The following PLCG2 variants were observed in gnomAD, a reference collection of about 807,000 sequenced individuals.
The protein encoded by PLCG2 is 1-phosphatidylinositol 4,5-bisphosphate phosphodiesterase gamma-2.
Under a neutral mutation model 175.6 loss-of-function variants are expected in PLCG2, and 69 were observed. That is an observed-to-expected ratio of 0.39 (90% CI 0.32 to 0.48). The LOEUF (loss-of-function observed/expected upper bound fraction) is 0.48, where lower values mean the gene tolerates loss of function less well. PLCG2 is among the 20% of genes least tolerant of loss of function. The pLI is 0.91. For missense variants in PLCG2, 1,798 were observed against 1,650.9 expected, an observed-to-expected ratio of 1.09 and a Z score of -1.54; for synonymous variants, 827 against 624.0, an observed-to-expected ratio of 1.33 and a Z score of -4.85.
At chr16:81,817,076 T>C (rs950292170) in intron 2 of PLCG2, among the ~76,000 whole-genome samples, 156 of 152,160 alleles carry the variant, frequency 1.0e-3, no homozygotes, top group African/African-American at 3.6e-3. Flanking sequence ...CTTGTGAGTT[T>C]TGAAGGCTGG....
At chr16:81,847,209 A>G (rs1906166894) in intron 2 of PLCG2, among the ~76,000 whole-genome samples, 1 of 152,222 alleles carries the variant, frequency 6.6e-6, no homozygotes, top group South Asian at 2.1e-4. Context: ...CAAAAGATAA[A>G]GATGATCAGC....
intron 26 of PLCG2, chr16:81,935,725 C>T (rs1180899406): frequency 1.0e-6 from 1 of 985,242 alleles, no homozygotes; most frequent in African/African-American, 1.7e-5. Flanking sequence ...CTTCCCTGCA[C>T]AGGCACCCAC....
intron 2 of PLCG2, among the ~76,000 whole-genome samples, chr16:81,761,518 T>A (rs1910041174): frequency 6.6e-6 from 1 of 152,160 alleles, no homozygotes; most frequent in Non-Finnish European, 1.5e-5. Context: ...ACTGCCTAGG[T>A]TAGAGTCATA....
chr16:81,912,047 T>C (rs1329329578), intron 18 of PLCG2, among the ~76,000 whole-genome samples: 1 of 152,160 alleles, frequency 6.6e-6, no homozygotes. Context: ...TCCACCCGCC[T>C]CAACCTCCCA....
At chr16:81,895,755 G>A (rs1446412454) in intron 12 of PLCG2, 52 bp from the exon 13 acceptor site, 4 of 1,606,994 alleles carry the variant, frequency 2.5e-6, no homozygotes, top group Non-Finnish European at 3.4e-6. Flanking sequence ...GCTGACCTCG[G>A]GGCTGTCAGT....
chr16:81,805,762 G>GTTT (rs1567473489), intron 2 of PLCG2, among the ~76,000 whole-genome samples: 2 of 38,894 alleles, frequency 5.1e-5, no homozygotes, highest in Non-Finnish European at 1.1e-4. Context: ...GTAGTGTTTT[G>GTTT]TTTTGTTTTT....
intron 2 of PLCG2, chr16:81,798,908 C>T (rs1190550224): frequency 6.6e-6 from 1 of 152,358 alleles, no homozygotes; most frequent in Non-Finnish European, 1.5e-5. Context: ...GTCTCTCTCC[C>T]CAGCACTACC....
chr16:81,765,278 C>A (rs1910123544), intron 2 of PLCG2, among the ~76,000 whole-genome samples: 1 of 152,256 alleles, frequency 6.6e-6, no homozygotes, highest in African/African-American at 2.4e-5. Flanking sequence ...AGATTCCCAG[C>A]AACCACCCAA....
At chr16:81,832,710 T>C (rs1905310856) in intron 2 of PLCG2, among the ~76,000 whole-genome samples, 1 of 152,256 alleles carries the variant, frequency 6.6e-6, no homozygotes, top group Non-Finnish European at 1.5e-5. Flanking sequence ...AGGCAGAATC[T>C]ACCATTTTAA....
chr16:81,826,466 C>T (rs186972503), intron 2 of PLCG2, among the ~76,000 whole-genome samples: 2 of 152,348 alleles, frequency 1.3e-5, no homozygotes, highest in African/African-American at 4.8e-5. Context: ...CCTCGTGTGC[C>T]TCAGTCTCCT....
At chr16:81,924,401 C>T (rs188200884) in intron 22 of PLCG2, among the ~76,000 whole-genome samples, 236 of 152,362 alleles carry the variant, frequency 1.5e-3, no homozygotes, top group South Asian at 5.6e-3. Context: ...GTTTTAAGCA[C>T]GTTTGAAATA....
intron 25 of PLCG2, among the ~76,000 whole-genome samples, chr16:81,933,150 G>A (rs1420309866): frequency 6.6e-6 from 1 of 152,194 alleles, no homozygotes; most frequent in East Asian, 1.9e-4. Flanking sequence ...GGCGGCCTTT[G>A]GTCTGCATTC....
At chr16:81,814,400 G>C (rs1380273716) in intron 2 of PLCG2, among the ~76,000 whole-genome samples, 1 of 151,988 alleles carries the variant, frequency 6.6e-6, no homozygotes, top group Non-Finnish European at 1.5e-5. Context: ...GGATTGAAAG[G>C]TACCCATGGG....
At chr16:81,924,444 G>C (rs185469208) in intron 22 of PLCG2, among the ~76,000 whole-genome samples, 1 of 152,346 alleles carries the variant, frequency 6.6e-6, no homozygotes, top group East Asian at 1.9e-4. Flanking sequence ...GAGTCTACAT[G>C]ATGACTGTAA....
chr16:81,746,180 A>G (rs8055149), intron 1 of PLCG2, among the ~76,000 whole-genome samples: 15,088 of 152,192 alleles, frequency 0.099, 2,047 homozygotes, highest in African/African-American at 0.31. Context: ...GGCACAAACA[A>G]GGCCGGCCTG....
At chr16:81,918,836 C>G (rs191066001) in intron 19 of PLCG2, among the ~76,000 whole-genome samples, 3 of 151,844 alleles carry the variant, frequency 2.0e-5, no homozygotes, top group Non-Finnish European at 4.4e-5. Flanking sequence ...CAAGGAGGCT[C>G]TTCTGTTTTG....
At chr16:81,844,929 A>T (rs963151879) in intron 2 of PLCG2, among the ~76,000 whole-genome samples, 1 of 151,954 alleles carries the variant, frequency 6.6e-6, no homozygotes, top group South Asian at 2.1e-4. Context: ...TTGAGACACC[A>T]TGTTCTTTCT....
chr16:81,778,075 C>T (rs372821258), upstream of PLCG2, among the ~76,000 whole-genome samples: 3,883 of 91,430 alleles, frequency 0.042, 467 homozygotes, highest in East Asian at 0.053. Context: ...CAAAAACACA[C>T]ACACACAAAA....
At chr16:81,765,810 C>T (rs1910137598) in intron 2 of PLCG2, among the ~76,000 whole-genome samples, 1 of 152,138 alleles carries the variant, frequency 6.6e-6, no homozygotes, top group Admixed American at 6.5e-5. Flanking sequence ...CAGCTAAGTT[C>T]AGACCCGATG....
Sources: allele counts gnomAD v4.1 joint callset (sites outside exome capture counted in the v4.1 genomes callset), GRCh38; gene constraint gnomAD v4.1.1; transcripts MANE v1.5; gene names NCBI Gene and HGNC (gene_info 2026-07-23, HGNC 2026-07-21).